Variants in ATP2A3 observed in about 807,000 individuals in gnomAD.
ATP2A3 encodes the protein sarcoplasmic/endoplasmic reticulum calcium ATPase 3.
ATP2A3 carries 61 observed loss-of-function variants against 106.8 expected under a neutral mutation model. That is an observed-to-expected ratio of 0.57 (90% CI 0.46 to 0.71). The LOEUF (loss-of-function observed/expected upper bound fraction) is 0.71, where lower values mean the gene tolerates loss of function less well. ATP2A3 is among the 30% of genes least tolerant of loss of function. The probability of loss-of-function intolerance (pLI) is 0.00; values close to 1 mark genes in which losing one functional copy is unlikely to be tolerated. For synonymous variants in ATP2A3, 611 were observed against 609.3 expected (o/e 1.00, Z -0.04); for missense variants, 1,201 against 1,423.5 (o/e 0.84, Z 2.52).
intron 1 of ATP2A3, among the ~76,000 whole-genome samples, chr17:3,956,164 G>C (rs1203253718): frequency 6.6e-6 from 1 of 152,136 alleles, no homozygotes; most frequent in Non-Finnish European, 1.5e-5. Flanking sequence ...TTAGAAGTGT[G>C]AGCCACCGCG....
chr17:3,942,366 T>C (rs1305764523), intron 12 of ATP2A3, among the ~76,000 whole-genome samples: 4 of 152,334 alleles, frequency 2.6e-5, no homozygotes, highest in Admixed American at 2.0e-4. Flanking sequence ...GGAGACGCTG[T>C]AGACAGTGGT....
intron 10 of ATP2A3, among the ~76,000 whole-genome samples, chr17:3,944,190 A>G (rs1195927784): frequency 6.6e-6 from 1 of 152,120 alleles, no homozygotes; most frequent in African/African-American, 2.4e-5. Context: ...AGCCTCAGTG[A>G]TCTTCTGTAA....
intron 10 of ATP2A3, 52 bp downstream of exon 10, chr17:3,944,652 C>A: frequency 6.4e-7 from 1 of 1,572,958 alleles, no homozygotes; most frequent in East Asian, 2.3e-5. Context: ...GGAAAAGGGT[C>A]TGTCCTGGTC....
chr17:3,963,362 G>A (rs1455771821), intron 1 of ATP2A3, among the ~76,000 whole-genome samples: 1 of 152,246 alleles, frequency 6.6e-6, no homozygotes, highest in Non-Finnish European at 1.5e-5. Context: ...GATGTGGGGA[G>A]GGCACCTCTG....
intron 7 of ATP2A3, among the ~76,000 whole-genome samples, chr17:3,948,254 T>C (rs1268083465): frequency 1.3e-5 from 2 of 152,200 alleles, no homozygotes; most frequent in Admixed American, 1.3e-4. Flanking sequence ...TCCATTAATA[T>C]TTACTAAAAA....
intron 3 of ATP2A3, 87 bp from the exon 4 acceptor site, chr17:3,951,772 C>T: frequency 1.5e-6 from 2 of 1,313,546 alleles, no homozygotes; most frequent in Non-Finnish European, 2.1e-6. Context: ...CTCCTGCTTG[C>T]TTCCCTGCTT....
intron 17 of ATP2A3, among the ~76,000 whole-genome samples, chr17:3,933,389 C>T (rs1597582959): frequency 6.6e-6 from 1 of 151,466 alleles, no homozygotes; most frequent in African/African-American, 2.4e-5. Flanking sequence ...GCCACACACA[C>T]ACAGTATTCC....
rs1156706635 is a variant in ATP2A3 at position 3,953,074 on chromosome 17, G to A, written c.219+273C>T. 2.6e-5 allele frequency among the ~76,000 whole-genome samples: 4 copies of A among 152,326 alleles called. No homozygotes were observed. Among genetic ancestry groups the A allele is most frequent in the Non-Finnish European group, 5.9e-5 (4 of 68,030 alleles). The stretch of plus-strand genomic sequence containing the variant: ...AAACCCTAGGGTACAGCAGGGCGGG[G>A]CGGGGGGCAGATGTGAGTTGGGGAG... On this transcript the variant is annotated intron_variant, in intron 3 of 20. Transcript: ENST00000397041. The surrounding 1 kb of genome is among the most constrained non-coding windows in gnomAD (Gnocchi z 5.1).
In ATP2A3 at chr17:3,924,932, C is replaced by T. The variant is rs1346592388; in HGVS notation, c.*490G>A. ...GATGGCCCCTTCTGATCCCCCAGGG[C>T]TGACCCAGTCCCAGACCAGGCACGA... On this transcript the variant is annotated 3_prime_UTR_variant, in exon 21 of 21. Transcript: ENST00000397041. This position sits in a 1 kb window ranked among gnomAD's most constrained non-coding sequence, Gnocchi z 6.4. The T allele has an allele frequency of 2.3e-6, 1 of 437,866 alleles. No homozygotes were observed. The highest frequency in any genetic ancestry group is 4.6e-6 in the Non-Finnish European group (1 of 218,554). 27.1% of individuals were successfully genotyped at this position (437,866 alleles called of 1,614,324 possible).
chr17:3,964,195 G>A lies in ATP2A3; in HGVS notation c.97C>T (p.Arg33Trp). The change falls in exon 1 of 21, where the codon CGG (arginine) becomes TGG (tryptophan). Residue 33 changes from arginine (R) to tryptophan (W), a missense_variant. By Grantham distance (101) the Arg-to-Trp change is moderately radical. This residue lies in a region of ATP2A3 where 266 missense variants were observed against 246.8 expected (regional missense o/e 1.08). Coordinates refer to ENST00000397041, the MANE Select transcript of ATP2A3 (RefSeq NM_005173.4). ...GLSPAQVTGA[R>W]ERYGPNELPS... Reference sequence around the variant, plus strand: ...TCACCGTTGGGGCCGTAGCGCTCCCGCGCGCCGGTCACCTGCGCCGGGCTC... The same window carrying A: ...TCACCGTTGGGGCCGTAGCGCTCCCACGCGCCGGTCACCTGCGCCGGGCTC... 3 of 1,234,878 alleles carry A rather than the reference G, an allele frequency of 2.4e-6. No homozygotes were observed. The highest frequency in any genetic ancestry group is 3.1e-6 in the Non-Finnish European group (3 of 978,830). 76.5% of individuals were successfully genotyped at this position (1,234,878 alleles called of 1,614,324 possible).
In ATP2A3 at chr17:3,958,898, ATTG is replaced by A. The variant is rs759584729; in HGVS notation, c.119-5191_119-5189del. On this transcript the variant is annotated intron_variant, in intron 1 of 20. Transcript: ENST00000397041. The stretch of plus-strand genomic sequence containing the variant: ...CACACACACACACACATATATATAT[ATTG>A]TTTTTTTTCAGATGGAGTCTCATTC... Among the ~76,000 whole-genome samples the A allele has an allele frequency of 2.0e-3, 256 of 129,466 alleles. 13 individuals are homozygous for A. Among genetic ancestry groups the A allele is most frequent in the East Asian group, 0.019 (80 of 4,322 alleles). The allele number at this position is 129,466 out of a possible 152,430, so 84.9% of individuals were successfully genotyped here.
At chr17:3,952,274 G>A (rs1375563938) in intron 3 of ATP2A3, among the ~76,000 whole-genome samples, 2 of 152,144 alleles carry the variant, frequency 1.3e-5, no homozygotes, top group African/African-American at 4.8e-5. Flanking sequence ...TAGTAGAGAC[G>A]GGGTTTTACC....
chr17:3,946,827 G>A (rs567041768), intron 8 of ATP2A3, among the ~76,000 whole-genome samples: 9 of 152,340 alleles, frequency 5.9e-5, no homozygotes, highest in Admixed American at 2.0e-4. Flanking sequence ...CCATCTGCTG[G>A]GTCAGGAGGA....
Position 3,930,488 on chromosome 17 carries a change from G to A in ATP2A3, c.2611-54C>T. 1 of 1,608,330 alleles carries A rather than the reference G, an allele frequency of 6.2e-7. No individual in the cohort carries two copies. The highest frequency in any genetic ancestry group is 2.2e-5 in the East Asian group (1 of 44,658). ...GCGGCAGGTCAGGCGAGGGGCTGGT[G>A]GGTGGGAGGAGGGAAGCCTCATCCT... On this transcript the variant is annotated intron_variant, in intron 17 of 20. Transcript: ENST00000397041. This position sits in a 1 kb window ranked among gnomAD's most constrained non-coding sequence, Gnocchi z 5.4.
Position 3,936,551 on chromosome 17 carries a change from C to T in ATP2A3, c.2322-82G>A. On this transcript the variant is annotated intron_variant, in intron 15 of 20. Coordinates refer to ENST00000397041, the MANE Select transcript of ATP2A3 (RefSeq NM_005173.4). The surrounding 1 kb of genome is among the most constrained non-coding windows in gnomAD (Gnocchi z 5.4). The stretch of plus-strand genomic sequence containing the variant: ...CTCCAGCTCCTGCTCAGACCCAAGG[C>T]TGGGAGCTCACCCACCCACTGTCTC... The T allele has an allele frequency of 6.7e-7, 1 of 1,487,736 alleles. No homozygotes were observed. The highest frequency in any genetic ancestry group is 9.3e-7 in the Non-Finnish European group (1 of 1,070,664). 92.2% of individuals were successfully genotyped at this position (1,487,736 alleles called of 1,614,324 possible).
chr17:3,933,459 C>T (rs577087510), intron 17 of ATP2A3, among the ~76,000 whole-genome samples: 21 of 151,116 alleles, frequency 1.4e-4, no homozygotes, highest in African/African-American at 4.4e-4. Context: ...CGCTGGGGTC[C>T]GGGTGCCGTG....
At position 3,936,721 on chromosome 17, in the gene ATP2A3, TACACACACACACACACACACAC is replaced by T. The variant is rs57648128; in HGVS notation, c.2322-274_2322-253del. ...CTCTTTAGGCCTAGCAGAGGCCAAGTACACACACACACACACACACACACACACACACACGCACACGAAGAGG... is the reference window on the plus strand; with the variant it reads ...CTCTTTAGGCCTAGCAGAGGCCAAGTACACACACACACGCACACGAAGAGG... On this transcript the variant is annotated intron_variant, in intron 15 of 20. Transcript: ENST00000397041. The surrounding 1 kb of genome is among the most constrained non-coding windows in gnomAD (Gnocchi z 5.4). 5.1e-6 allele frequency: 2 copies of T among 392,294 alleles called. No homozygotes were observed. Among genetic ancestry groups the T allele is most frequent in the Non-Finnish European group, 9.6e-6 (2 of 208,408 alleles). The allele number at this position is 392,294 out of a possible 1,614,324, so 24.3% of individuals were successfully genotyped here.
intron 1 of ATP2A3, among the ~76,000 whole-genome samples, chr17:3,961,181 G>A (rs1448437519): frequency 6.6e-6 from 1 of 152,246 alleles, no homozygotes; most frequent in Non-Finnish European, 1.5e-5. Context: ...AAGATATTGG[G>A]AGGACTGGGA....
rs762906225 is a variant in ATP2A3 at position 3,953,443 on chromosome 17, T to C, written c.137-14A>G. On this transcript the variant is annotated splice_polypyrimidine_tract_variant and intron_variant, in intron 2 of 20. Transcript: ENST00000397041. The surrounding 1 kb of genome is among the most constrained non-coding windows in gnomAD (Gnocchi z 5.1). ...ACAGGGACTTCCCTGGGAACGGGGG[T>C]CATGTGTGAGGCTGGGCCCCCACCA... 1.2e-6 allele frequency: 2 copies of C among 1,613,016 alleles called. No individual in the cohort carries two copies. Among genetic ancestry groups the C allele is most frequent in the South Asian group, 1.1e-5 (1 of 91,036 alleles).
Sources: gnomAD v4.1 joint callset for allele counts (sites outside exome capture counted in the v4.1 genomes callset) on GRCh38, gnomAD v4.1.1 for gene constraint, gnomAD v4.1.1 regional missense constraint, Gnocchi (gnomAD v3.1) non-coding constraint, MANE v1.5 for transcripts, NCBI Gene and HGNC (gene_info 2026-07-23, HGNC 2026-07-21) for gene names.